The following ZNF318 variants were observed in gnomAD, a reference collection of about 807,000 sequenced individuals.
The protein encoded by ZNF318 is zinc finger protein 318, also known as endocrine regulator.
A neutral mutation model predicts 124.2 loss-of-function variants in ZNF318; 51 were observed. That is an observed-to-expected ratio of 0.41 (90% CI 0.33 to 0.52). ZNF318 has a LOEUF of 0.52. Among genes scored for constraint, ZNF318 ranks in the 20% least tolerant of loss-of-function variants. ZNF318 has a pLI of 0.23. For missense variants in ZNF318, 2,815 were observed against 2,811.2 expected, an observed-to-expected ratio of 1.00 and a Z score of -0.03; for synonymous variants, 1,090 against 1,040.7, an observed-to-expected ratio of 1.05 and a Z score of -0.91.
At chr6:43,348,087 T>C (rs757768929) in intron 6 of ZNF318, among the ~76,000 whole-genome samples, 25 of 152,058 alleles carry the variant, frequency 1.6e-4, no homozygotes, top group Non-Finnish European at 2.5e-4. Flanking sequence ...GGTTAGGGAG[T>C]AAATGCTGGA....
chr6:43,338,567 A>C lies in ZNF318; in HGVS notation c.5431T>G (p.Leu1811Val). 1 of 1,614,160 alleles carries C rather than the reference A, an allele frequency of 6.2e-7. No individual in the cohort carries two copies. The highest frequency in any genetic ancestry group is 8.5e-7 in the Non-Finnish European group (1 of 1,180,032). Residue 1811 changes from leucine to valine, a missense_variant, in exon 10 of 10, where the codon TTG (leucine) becomes GTG (valine). Transcript: ENST00000361428. ...IGPHSIDDSNLNHGNRYMWEG... is the reference protein window; with the variant it reads ...IGPHSIDDSNVNHGNRYMWEG... ...CACATGTATCTGTTTCCATGGTTCA[A>C]ATTAGAATCATCTATGCTGTGGGGT...
rs995780794 is a variant in ZNF318 at position 43,342,617 on chromosome 6, T to C, written c.3276+59A>G. ...TCCAGCTTTGCAATGCAGATAGGGG[T>C]ATAGAAGTTTGAAGAGAGTGAGGGT... On this transcript the variant is annotated intron_variant, in intron 7 of 9. Coordinates refer to ENST00000361428, the MANE Select transcript of ZNF318 (RefSeq NM_014345.3). 7 of 1,538,186 alleles carry C rather than the reference T, an allele frequency of 4.6e-6. No individual in the cohort carries two copies. The African/African-American group carries it at 9.5e-5, about 21-fold the overall frequency.
intron 8 of ZNF318, 82 bp from the exon 9 acceptor site, chr6:43,340,990 T>G: frequency 9.6e-7 from 1 of 1,043,580 alleles, no homozygotes; most frequent in South Asian, 1.3e-5. Context: ...CACCACCCCT[T>G]TGCAGTAAAA....
chr6:43,344,220 G>C (rs1371892639), intron 6 of ZNF318, among the ~76,000 whole-genome samples: 1 of 152,138 alleles, frequency 6.6e-6, no homozygotes, highest in African/African-American at 2.4e-5. Context: ...GACAGGCAGG[G>C]GATGGGAGAG....
chr6:43,355,806 T>C lies in ZNF318; in HGVS notation c.1528A>G (p.Ile510Val), dbSNP rs1214804880. 6.2e-7 allele frequency: 1 copy of C among 1,614,248 alleles called. No individual in the cohort carries two copies. Among genetic ancestry groups the C allele is most frequent in the Non-Finnish European group, 8.5e-7 (1 of 1,180,036 alleles). ...ASQDGSGFSRILSMLADSTST... is the reference protein window; with the variant it reads ...ASQDGSGFSRVLSMLADSTST... ...GTAGAATCAGCCAACATGCTCAGAA[T>C]GCGGGAAAAACCACTGCCATCCTGG... The change falls in exon 4 of 10, where the codon ATT (isoleucine) becomes GTT (valine). Residue 510 changes from isoleucine to valine, a missense_variant. Physicochemically the swap from Ile to Val is conservative, Grantham distance 29. Transcript: ENST00000361428.
intron 5 of ZNF318, among the ~76,000 whole-genome samples, chr6:43,349,394 T>TTC (rs1323996635): frequency 6.6e-6 from 1 of 151,394 alleles, no homozygotes; most frequent in Non-Finnish European, 1.5e-5. Flanking sequence ...ATCTTTTTTT[T>TTC]TTTTTTTTTT....
At chr6:43,365,061 G>A (rs1218615191) in intron 2 of ZNF318, among the ~76,000 whole-genome samples, 2 of 152,182 alleles carry the variant, frequency 1.3e-5, no homozygotes, top group Non-Finnish European at 1.5e-5. Context: ...AGACTCAGAT[G>A]ACCTTTTTAA....
Position 43,339,389 on chromosome 6 carries a change from G to A in ZNF318, c.4609C>T (p.Arg1537Cys), listed in dbSNP as rs771653671. ...ACACTTGAGAGGGGTGGTGGAGGAC[G>A]TACTAACACAGAGAACAGGGTCTGG... is the stretch of plus-strand genomic sequence containing the variant. The part of the protein sequence containing the change: ...RDQTLFSVLV[R>C]PPPPLSSVFS... Residue 1537 changes from arginine to cysteine, a missense_variant, in exon 10 of 10, where the codon CGT (arginine) becomes TGT (cysteine). By Grantham distance (180) the Arg-to-Cys change is radical. Coordinates refer to ENST00000361428, the MANE Select transcript of ZNF318 (RefSeq NM_014345.3). This position sits in a 1 kb window ranked among gnomAD's most constrained non-coding sequence, Gnocchi z 4.2. 8 of 1,614,116 alleles carry A rather than the reference G, an allele frequency of 5.0e-6. No individual in the cohort carries two copies. The highest frequency in any genetic ancestry group is 4.4e-5 in the South Asian group (4 of 91,080).
intron 1 of ZNF318, among the ~76,000 whole-genome samples, chr6:43,367,488 C>G (rs1779777685): frequency 6.6e-6 from 1 of 152,154 alleles, no homozygotes; most frequent in South Asian, 2.1e-4. Flanking sequence ...GGGCTTAGAC[C>G]AGAGTGATGG....
At position 43,337,399 on chromosome 6, in the gene ZNF318, C is replaced by T. The variant is rs1431870496; in HGVS notation, c.6599G>A (p.Cys2200Tyr). The change falls in exon 10 of 10, where the codon TGT (cysteine) becomes TAT (tyrosine). Residue 2200 changes from cysteine to tyrosine, a missense_variant. Coordinates refer to ENST00000361428, the MANE Select transcript of ZNF318 (RefSeq NM_014345.3). ...TAATGGCCCCAACTCCAGGGAACTA[C>T]ATTTAGAAGGGTCACCTGGCTCAGA... ...PLSEPGDPSKCSSLELGPLQL... is the reference protein window; with the variant it reads ...PLSEPGDPSKYSSLELGPLQL... 6.2e-7 allele frequency: 1 copy of T among 1,614,048 alleles called. No homozygotes were observed. Among genetic ancestry groups the T allele is most frequent in the Non-Finnish European group, 8.5e-7 (1 of 1,180,032 alleles).
chr6:43,355,102 T>C lies in ZNF318; in HGVS notation c.2232A>G (p.Ser744=), dbSNP rs1339450190. The C allele has an allele frequency of 6.2e-7, 1 of 1,614,104 alleles. No individual in the cohort carries two copies. The highest frequency in any genetic ancestry group is 8.5e-7 in the Non-Finnish European group (1 of 1,180,052). Reference sequence around the variant, plus strand: ...GAAGTCTAATTGGGGCAGATGGGGCTGATGGCAACATGCACCTGACTGCAA... The same window carrying C: ...GAAGTCTAATTGGGGCAGATGGGGCCGATGGCAACATGCACCTGACTGCAA... ...SSVAVRCMLP[S]APSAPIRLPH... is the part of the protein sequence containing the mutation. The change falls in exon 4 of 10, where the codon TCA becomes TCG. Residue 744 remains serine, a synonymous_variant. Coordinates refer to ENST00000361428, the MANE Select transcript of ZNF318 (RefSeq NM_014345.3).
rs752409741 is a variant in ZNF318 at position 43,348,426 on chromosome 6, C to T, written c.2970G>A (p.Lys990=). Residue 990 remains lysine (K), a synonymous_variant, in exon 6 of 10, where the codon AAG becomes AAA. Transcript: ENST00000361428. ...LGINIFDKSQ[K]SLSDSREPTE... ...TAGGCTCTCTACTGTCACTTAAAGA[C>T]TTCTGGGATTTATCGAAGATGTTAA... The T allele has an allele frequency of 1.9e-5, 30 of 1,614,164 alleles. 1 individual carries two copies. In the South Asian group the frequency reaches 3.2e-4, roughly 17 times the overall value.
chr6:43,337,148 G>T lies in ZNF318; in HGVS notation c.*10C>A. 6.4e-7 allele frequency: 1 copy of T among 1,556,528 alleles called. No homozygotes were observed. The highest frequency in any genetic ancestry group is 8.7e-7 in the Non-Finnish European group (1 of 1,152,798). ...ATGATTCACTCACAAGTAGCTCTAG[G>T]TATTTATTCTTAGTTGTGAACACTG... On this transcript the variant is annotated 3_prime_UTR_variant, in exon 10 of 10. Coordinates refer to ENST00000361428, the MANE Select transcript of ZNF318 (RefSeq NM_014345.3).
At position 43,340,120 on chromosome 6, in the gene ZNF318, G is replaced by A; in HGVS notation, c.3878C>T (p.Pro1293Leu). Reference sequence around the variant, plus strand: ...TAGAATCTCTTCTTTAGAGATACTTGGGGTCACCAATGAACTTTTCTCCTC... The same window carrying A: ...TAGAATCTCTTCTTTAGAGATACTTAGGGTCACCAATGAACTTTTCTCCTC... ...KEEEKSSLVT[P>L]SISKEEILES... The change falls in exon 10 of 10, where the codon CCA becomes CTA. Residue 1293 changes from proline (P) to leucine (L), a missense_variant. Coordinates refer to ENST00000361428, the MANE Select transcript of ZNF318 (RefSeq NM_014345.3). 6.2e-7 allele frequency: 1 copy of A among 1,614,072 alleles called. No individual in the cohort carries two copies. The highest frequency in any genetic ancestry group is 8.5e-7 in the Non-Finnish European group (1 of 1,180,004).
chr6:43,352,634 AAGTT>A (rs2150753466), intron 4 of ZNF318, among the ~76,000 whole-genome samples, 158 bp from the exon 5 acceptor site: 1 of 152,354 alleles, frequency 6.6e-6, no homozygotes, highest in African/African-American at 2.4e-5. Context: ...ATTTCGTTCT[AAGTT>A]CCAGAATAGA....
chr6:43,366,483 C>G (rs1779762951), intron 1 of ZNF318, among the ~76,000 whole-genome samples: 1 of 152,102 alleles, frequency 6.6e-6, no homozygotes, highest in Admixed American at 6.5e-5. Context: ...AGGAGGCCTT[C>G]CCTGACTACT....
At position 43,355,160 on chromosome 6, in the gene ZNF318, G is replaced by C; in HGVS notation, c.2174C>G (p.Pro725Arg). ...CTGAAACCCACTACCAACCACCTCT[G>C]GTCCTGAAATATGACCCACTGGATG... ...SDHPVGHISG[P>R]EVVGSGFQSS... Residue 725 changes from proline (P) to arginine (R), a missense_variant, in exon 4 of 10, where the codon CCA becomes CGA. Around this residue, in one of 4 missense-constraint regions of ZNF318, gnomAD observed 1,377 missense variants for 1,353.5 expected, o/e 1.02. Transcript: ENST00000361428. 2 of 1,614,214 alleles carry C rather than the reference G, an allele frequency of 1.2e-6. No homozygotes were observed. Among genetic ancestry groups the C allele is most frequent in the Non-Finnish European group, 1.7e-6 (2 of 1,180,042 alleles).
In ZNF318 at chr6:43,352,451, T is replaced by G; in HGVS notation, c.2696A>C (p.Lys899Thr). 6.2e-7 allele frequency: 1 copy of G among 1,614,122 alleles called. No individual in the cohort carries two copies. Residue 899 changes from lysine (K) to threonine (T), a missense_variant, in exon 5 of 10, where the codon AAG (lysine) becomes ACG (threonine). By Grantham distance (78) the Lys-to-Thr change is moderately conservative. Around this residue, in one of 4 missense-constraint regions of ZNF318, gnomAD observed 1,377 missense variants for 1,353.5 expected, o/e 1.02. Transcript: ENST00000361428. ...CTTCTGGCGGGCTTCCCGGTCATTC[T>G]TTAGTTTTTCCCTCTCTTCAATAAC... ...QKVIEEREKL[K>T]NDREARQKKM...
chr6:43,363,278 A>G (rs1779708521), intron 2 of ZNF318, among the ~76,000 whole-genome samples: 1 of 152,234 alleles, frequency 6.6e-6, no homozygotes, highest in Non-Finnish European at 1.5e-5. Flanking sequence ...ACCTACCCAG[A>G]CTACCTACTC....
Sources: allele counts gnomAD v4.1 joint callset (sites outside exome capture counted in the v4.1 genomes callset), GRCh38; gene constraint gnomAD v4.1.1; regional missense constraint gnomAD v4.1.1; non-coding constraint Gnocchi (gnomAD v3.1); transcripts MANE v1.5; gene names NCBI Gene and HGNC (gene_info 2026-07-23, HGNC 2026-07-21).